HMCN1: variants seen among roughly 807,000 people sequenced by gnomAD.
HMCN1 encodes hemicentin 1, also known as hemicentin-1.
A neutral mutation model predicts 625.9 loss-of-function variants in HMCN1; 321 were observed. The observed-to-expected ratio is 0.51, with a 90% CI of 0.47 to 0.56. The LOEUF (loss-of-function observed/expected upper bound fraction) is 0.56, where lower values mean the gene tolerates loss of function less well. HMCN1 is among the 20% of genes least tolerant of loss of function. HMCN1 has a pLI of 0.00. For synonymous variants in HMCN1, 2,425 were observed against 2,417.6 expected, an observed-to-expected ratio of 1.00 and a Z score of -0.09; for missense variants, 6,588 against 6,887.3, an observed-to-expected ratio of 0.96 and a Z score of 1.54.
rs1205708847 is a variant in HMCN1 at position 186,057,376 on chromosome 1, T to C, written c.7287T>C (p.Leu2429=). ...TCAAAGATGGGTGGCCTGTCAGCCT[T>C]AGCAATTCTGTGAGGATTCTTTCAG... ...TWFKDGWPVS[L]SNSVRILSGG... Residue 2429 remains leucine, a synonymous_variant, in exon 46 of 107, where the codon CTT becomes CTC. Transcript: ENST00000271588. The C allele has an allele frequency of 1.2e-6, 2 of 1,610,368 alleles. No individual in the cohort carries two copies. The highest frequency in any genetic ancestry group is 2.2e-5 in the East Asian group (1 of 44,796).
At chr1:185,888,785 G>A (rs1468493680) in intron 4 of HMCN1, among the ~76,000 whole-genome samples, 23 of 144,442 alleles carry the variant, frequency 1.6e-4, no homozygotes, top group Middle Eastern at 3.4e-3. Flanking sequence ...TTGACTTGGC[G>A]ATGCGGGCTC....
chr1:185,855,366 A>T (rs187835804), intron 2 of HMCN1, among the ~76,000 whole-genome samples: 1 of 152,294 alleles, frequency 6.6e-6, no homozygotes, highest in Admixed American at 6.5e-5. Flanking sequence ...GGTGACTGAG[A>T]ATACTGAGAT....
At chr1:185,973,012 C>T (rs1216843225) in intron 15 of HMCN1, among the ~76,000 whole-genome samples, 2 of 152,140 alleles carry the variant, frequency 1.3e-5, no homozygotes, top group African/African-American at 2.4e-5. Flanking sequence ...GGTAAACACA[C>T]ATCAAATCAA....
At chr1:186,065,116 T>A in intron 48 of HMCN1, 122 bp from the exon 49 acceptor site, 1 of 690,106 alleles carries the variant, frequency 1.4e-6, no homozygotes, top group Non-Finnish European at 2.5e-6. Context: ...AAATGAATGA[T>A]TACTGCCGTG....
chr1:185,996,842 T>G (rs777195991), intron 24 of HMCN1, among the ~76,000 whole-genome samples: 9 of 152,086 alleles, frequency 5.9e-5, no homozygotes, highest in Non-Finnish European at 1.0e-4. Context: ...CAGGGGGCAC[T>G]TAGGAAAGAA....
intron 4 of HMCN1, among the ~76,000 whole-genome samples, chr1:185,884,082 A>T (rs1265828196): frequency 6.6e-6 from 1 of 151,704 alleles, no homozygotes; most frequent in African/African-American, 2.4e-5. Flanking sequence ...AATGAGTTTT[A>T]AAAAATACCT....
intron 90 of HMCN1, 49 bp from the exon 91 acceptor site, chr1:186,144,483 CG>C (rs771672763): frequency 2.5e-6 from 4 of 1,612,882 alleles, no homozygotes; most frequent in Non-Finnish European, 3.4e-6. Flanking sequence ...GAGTGTAACA[CG>C]ATGGTTCCTA....
At chr1:186,086,154 T>G in intron 57 of HMCN1, 92 bp from the exon 58 acceptor site, 1 of 1,175,784 alleles carries the variant, frequency 8.5e-7, no homozygotes, top group Non-Finnish European at 1.3e-6. Context: ...ACTCAGTCCT[T>G]TAGCAGAGTA....
chr1:186,189,475 G>C, intron 106 of HMCN1, 37 bp from the exon 107 acceptor site: 1 of 1,609,984 alleles, frequency 6.2e-7, no homozygotes, highest in Non-Finnish European at 8.5e-7. Flanking sequence ...CCTACTTCCA[G>C]ATAACTATGT....
chr1:186,129,589 G>A (rs1004890429), intron 83 of HMCN1, among the ~76,000 whole-genome samples: 10 of 151,934 alleles, frequency 6.6e-5, no homozygotes, highest in African/African-American at 2.4e-4. Flanking sequence ...TTGTTTGGGA[G>A]GAAAAGTGGT....
intron 44 of HMCN1, 140 bp from the exon 45 acceptor site, chr1:186,055,253 C>A: frequency 1.3e-6 from 1 of 778,612 alleles, no homozygotes; most frequent in Non-Finnish European, 2.1e-6. Flanking sequence ...AACATCATGT[C>A]TGTTAGTCCT....
At chr1:186,093,452 C>T (rs755864669) in intron 65 of HMCN1, 34 bp from the exon 66 acceptor site, 8 of 1,605,818 alleles carry the variant, frequency 5.0e-6, no homozygotes, top group Non-Finnish European at 5.1e-6. Context: ...TAATACATCC[C>T]TCTTCCCTCT....
At chr1:186,113,858 A>G (rs1661001370) in intron 72 of HMCN1, 121 bp from the exon 73 acceptor site, 1 of 1,090,154 alleles carries the variant, frequency 9.2e-7, no homozygotes, top group African/African-American at 1.5e-5. Context: ...ACTAACCTAG[A>G]TTCTTGTAGA....
At chr1:185,842,518 C>T (rs945456928) in intron 1 of HMCN1, among the ~76,000 whole-genome samples, 2 of 148,510 alleles carry the variant, frequency 1.3e-5, no homozygotes, top group African/African-American at 5.0e-5. Flanking sequence ...GAGCTGTGAT[C>T]ATGCCATTGC....
At chr1:186,069,494 C>A (rs550988139) in intron 50 of HMCN1, among the ~76,000 whole-genome samples, 169 bp from the exon 51 acceptor site, 1 of 152,302 alleles carries the variant, frequency 6.6e-6, no homozygotes, top group South Asian at 2.1e-4. Context: ...CCTCAGATAC[C>A]ATGCAATCCC....
At chr1:185,909,054 T>C (rs1229500995) in intron 4 of HMCN1, among the ~76,000 whole-genome samples, 2 of 152,016 alleles carry the variant, frequency 1.3e-5, no homozygotes, top group Non-Finnish European at 2.9e-5. Flanking sequence ...ATAATATCTC[T>C]GCATGTCTCC....
chr1:185,973,099 C>T (rs1650943744), intron 15 of HMCN1, among the ~76,000 whole-genome samples: 2 of 152,050 alleles, frequency 1.3e-5, no homozygotes, highest in Non-Finnish European at 2.9e-5. Context: ...CCTAAACTTT[C>T]CTCATCTATA....
intron 35 of HMCN1, among the ~76,000 whole-genome samples, chr1:186,022,482 G>A (rs771357156): frequency 3.9e-5 from 6 of 152,088 alleles, no homozygotes; most frequent in Admixed American, 2.6e-4. Context: ...AGTAACCTCC[G>A]AATAGCATGT....
chr1:185,755,696 CTG>C (rs1571308291), intron 1 of HMCN1, among the ~76,000 whole-genome samples: 2 of 152,106 alleles, frequency 1.3e-5, no homozygotes, highest in East Asian at 3.9e-4. Flanking sequence ...GGGCTGAAGA[CTG>C]TGACAGACCA....
Sources: allele counts gnomAD v4.1 joint callset (sites outside exome capture counted in the v4.1 genomes callset), GRCh38; gene constraint gnomAD v4.1.1; transcripts MANE v1.5; gene names NCBI Gene and HGNC (gene_info 2026-07-23, HGNC 2026-07-21).